Variants in SNTG1 observed in about 807,000 individuals in gnomAD.
The protein encoded by SNTG1 is syntrophin gamma 1, also known as gamma-1-syntrophin.
Under a neutral mutation model 74.7 loss-of-function variants are expected in SNTG1, and 39 were observed. The ratio of observed to expected loss-of-function variants is 0.52; its 90% CI spans 0.40 to 0.68. The LOEUF is 0.68. Among genes scored for constraint, SNTG1 ranks in the 30% least tolerant of loss-of-function variants. SNTG1 has a pLI of 0.00. For missense variants in SNTG1, 685 were observed against 609.5 expected, an observed-to-expected ratio of 1.12 and a Z score of -1.30; for synonymous variants, 254 against 217.1, an observed-to-expected ratio of 1.17 and a Z score of -1.49.
intron 1 of SNTG1, among the ~76,000 whole-genome samples, chr8:50,078,298 C>A (rs1394264027): frequency 6.6e-6 from 1 of 152,168 alleles, no homozygotes; most frequent in East Asian, 1.9e-4. Flanking sequence ...TTGTCAATTT[C>A]TATGATAAAT....
intron 1 of SNTG1, among the ~76,000 whole-genome samples, chr8:50,070,963 G>A (rs1398506941): frequency 6.6e-6 from 1 of 152,170 alleles, no homozygotes; most frequent in African/African-American, 2.4e-5. Flanking sequence ...TAGCTGCATG[G>A]TTGTTATTCT....
chr8:50,541,546 G>A (rs2130465416), intron 11 of SNTG1, among the ~76,000 whole-genome samples: 1 of 151,964 alleles, frequency 6.6e-6, no homozygotes, highest in East Asian at 1.9e-4. Context: ...ATGCATAATA[G>A]ATGCATAGTT....
At chr8:50,006,540 AT>A (rs1384145994) in intron 1 of SNTG1, among the ~76,000 whole-genome samples, 2 of 151,990 alleles carry the variant, frequency 1.3e-5, no homozygotes, top group Non-Finnish European at 1.5e-5. Context: ...ACTATTTAAG[AT>A]TTTTTTTAAA....
rs1204762438 is a variant in SNTG1 at position 50,394,322 on chromosome 8, A to G, written c.27+57A>G. The G allele has an allele frequency of 4.5e-6, 7 of 1,558,144 alleles. No individual in the cohort carries two copies. In the East Asian group the frequency reaches 1.6e-4, roughly 36 times the overall value. The stretch of plus-strand genomic sequence containing the variant: ...GGAAAACAGAATATAAGCGGGAAAC[A>G]CTTGGCTCCAATTTATATAGGGAAA... On this transcript the variant is annotated intron_variant, in intron 3 of 18. Transcript: ENST00000642720.
chr8:50,373,867 G>A (rs1318123491), intron 2 of SNTG1, among the ~76,000 whole-genome samples: 1 of 151,910 alleles, frequency 6.6e-6, no homozygotes, highest in African/African-American at 2.4e-5. Flanking sequence ...TGATCACCAG[G>A]CCCTTTTGTC....
intron 1 of SNTG1, among the ~76,000 whole-genome samples, chr8:50,148,140 A>G (rs1210868793): frequency 6.6e-6 from 1 of 152,132 alleles, no homozygotes; most frequent in Non-Finnish European, 1.5e-5. Flanking sequence ...TATATAAGGT[A>G]TATGTATATA....
At position 50,647,063 on chromosome 8, in the gene SNTG1, A is replaced by T. The variant is rs149700128; in HGVS notation, c.850-9846A>T. The stretch of plus-strand genomic sequence containing the variant: ...AACCTTACACCTTCTACAAACATTA[A>T]CTCAAAATGGATCATAGACTTAAAT... On this transcript the variant is annotated intron_variant, in intron 13 of 18. Coordinates refer to ENST00000642720, the MANE Select transcript of SNTG1 (RefSeq NM_018967.5). Among the ~76,000 whole-genome samples, 331 of 152,310 alleles carry T rather than the reference A, an allele frequency of 2.2e-3. 1 individual carries two copies. The highest frequency in any genetic ancestry group is 6.8e-3 in the African/African-American group (284 of 41,568).
At chr8:50,726,874 A>T (rs2095501576) in intron 17 of SNTG1, among the ~76,000 whole-genome samples, 1 of 152,058 alleles carries the variant, frequency 6.6e-6, no homozygotes, top group South Asian at 2.1e-4. Context: ...AAAGTAAAAT[A>T]AAATAAATAA....
intron 8 of SNTG1, among the ~76,000 whole-genome samples, chr8:50,480,227 T>C (rs1170769484): frequency 4.2e-5 from 6 of 143,604 alleles, no homozygotes; most frequent in African/African-American, 9.9e-5. Context: ...TTCGCTCTGA[T>C]TGTGGAGCTT....
chr8:50,206,686 T>C (rs879798748), intron 2 of SNTG1, among the ~76,000 whole-genome samples: 19 of 152,222 alleles, frequency 1.2e-4, no homozygotes, highest in Non-Finnish European at 2.1e-4. Context: ...CCATTCAGTA[T>C]GATATTGGCT....
chr8:50,238,185 G>C (rs1425048109), intron 2 of SNTG1, among the ~76,000 whole-genome samples: 1 of 151,920 alleles, frequency 6.6e-6, no homozygotes, highest in Non-Finnish European at 1.5e-5. Context: ...AATAACCAAA[G>C]CAACCCTAAG....
rs568510043 is a variant in SNTG1 at position 50,421,495 on chromosome 8, C to G, written c.163-17048C>G. Among the ~76,000 whole-genome samples, 152 of 152,244 alleles carry G rather than the reference C, an allele frequency of 1.0e-3. 1 individual carries two copies. The highest frequency in any genetic ancestry group is 3.2e-3 in the African/African-American group (135 of 41,540). ...CCATTTTGTTTTTGGTGAGATTTAG[C>G]TGGCTTTTTTTATTGCAACCTATTC... On this transcript the variant is annotated intron_variant, in intron 4 of 18. Coordinates refer to ENST00000642720, the MANE Select transcript of SNTG1 (RefSeq NM_018967.5).
intron 15 of SNTG1, among the ~76,000 whole-genome samples, chr8:50,694,568 T>G (rs1409925348): frequency 1.3e-5 from 2 of 152,032 alleles, no homozygotes; most frequent in African/African-American, 4.8e-5. Context: ...GAGGGAACAC[T>G]TCCAAACTCT....
At chr8:50,581,900 T>C (rs1442611760) in intron 12 of SNTG1, among the ~76,000 whole-genome samples, 1 of 152,106 alleles carries the variant, frequency 6.6e-6, no homozygotes, top group African/African-American at 2.4e-5. Context: ...CAAACATAAG[T>C]ATATGTGCAA....
intron 1 of SNTG1, among the ~76,000 whole-genome samples, chr8:50,087,722 T>A (rs1823029193): frequency 6.6e-6 from 1 of 152,138 alleles, no homozygotes; most frequent in South Asian, 2.1e-4. Flanking sequence ...GACAGACAAC[T>A]ATGGGCAGTC....
intron 2 of SNTG1, among the ~76,000 whole-genome samples, chr8:50,300,966 G>A (rs1255669537): frequency 1.3e-5 from 2 of 152,088 alleles, no homozygotes; most frequent in East Asian, 3.9e-4. Context: ...ACTAGAAGGA[G>A]TAATTTTTGC....
chr8:50,746,781 T>C (rs2095555962), intron 17 of SNTG1, among the ~76,000 whole-genome samples: 1 of 149,314 alleles, frequency 6.7e-6, no homozygotes, highest in Non-Finnish European at 1.5e-5. Flanking sequence ...TTAACATTTT[T>C]GTAAGTCATA....
At chr8:50,364,546 C>G (rs2092054355) in intron 2 of SNTG1, among the ~76,000 whole-genome samples, 1 of 151,966 alleles carries the variant, frequency 6.6e-6, no homozygotes, top group Non-Finnish European at 1.5e-5. Flanking sequence ...CTTTAGGATT[C>G]TATATCGTAT....
intron 2 of SNTG1, among the ~76,000 whole-genome samples, chr8:50,277,112 G>A (rs903992493): frequency 3.9e-5 from 6 of 152,024 alleles, no homozygotes; most frequent in African/African-American, 1.4e-4. Flanking sequence ...ACAGGCGTGA[G>A]CCACAGCACC....
Sources: gnomAD v4.1 joint callset for allele counts (sites outside exome capture counted in the v4.1 genomes callset) on GRCh38, gnomAD v4.1.1 for gene constraint, MANE v1.5 for transcripts, NCBI Gene and HGNC (gene_info 2026-07-23, HGNC 2026-07-21) for gene names.